Variants in CTNNA3 observed in about 807,000 individuals in gnomAD.
CTNNA3 encodes catenin alpha 3.
A neutral mutation model predicts 95.7 loss-of-function variants in CTNNA3; 76 were observed. That is an observed-to-expected ratio of 0.79 (90% confidence interval 0.66 to 0.96). The LOEUF is 0.96. Among genes scored for constraint, CTNNA3 ranks in the 40% least tolerant of loss-of-function variants. CTNNA3 has a pLI of 0.00. For missense variants in CTNNA3, 1,191 were observed against 1,089.8 expected (o/e 1.09, Z -1.31); for synonymous variants, 431 against 374.4 (o/e 1.15, Z -1.74).
chr10:66,753,412 C>A (rs1428790415), intron 9 of CTNNA3, among the ~76,000 whole-genome samples: 2 of 152,042 alleles, frequency 1.3e-5, no homozygotes, highest in Non-Finnish European at 2.9e-5. Context: ...CCTGTAATCC[C>A]AGCACTTTGG....
At chr10:66,339,055 G>A (rs777583311) in intron 12 of CTNNA3, among the ~76,000 whole-genome samples, 1 of 151,812 alleles carries the variant, frequency 6.6e-6, no homozygotes, top group Non-Finnish European at 1.5e-5. Flanking sequence ...ATCTTCATCT[G>A]TAAAGGCGAT....
At chr10:66,209,550 C>T (rs2087995438) in intron 13 of CTNNA3, among the ~76,000 whole-genome samples, 2 of 151,782 alleles carry the variant, frequency 1.3e-5, no homozygotes, top group South Asian at 2.1e-4. Context: ...TCATAGCCAG[C>T]GTGTTAAGGG....
intron 9 of CTNNA3, among the ~76,000 whole-genome samples, chr10:66,744,951 T>C (rs1400462219): frequency 1.3e-5 from 2 of 152,190 alleles, no homozygotes; most frequent in Non-Finnish European, 2.9e-5. Flanking sequence ...TCTTACTTGA[T>C]TTCAAGGTGC....
At chr10:67,031,902 G>A (rs1853751694) in intron 7 of CTNNA3, among the ~76,000 whole-genome samples, 1 of 152,080 alleles carries the variant, frequency 6.6e-6, no homozygotes, top group South Asian at 2.1e-4. Flanking sequence ...TGCAATAATG[G>A]CATTCTAATT....
chr10:66,675,904 A>G (rs2394287), intron 9 of CTNNA3, among the ~76,000 whole-genome samples: 84,097 of 151,906 alleles, frequency 0.55, 24,021 homozygotes, highest in African/African-American at 0.68. Flanking sequence ...TGCCACCCAG[A>G]AATTTGAATC....
chr10:66,239,176 T>G (rs1345333770), intron 13 of CTNNA3, among the ~76,000 whole-genome samples: 2 of 150,706 alleles, frequency 1.3e-5, no homozygotes, highest in Non-Finnish European at 3.0e-5. Context: ...TACAATTTTA[T>G]TTTATAATTA....
At chr10:66,418,913 G>C (rs1400251308) in intron 11 of CTNNA3, among the ~76,000 whole-genome samples, 1 of 151,972 alleles carries the variant, frequency 6.6e-6, no homozygotes, top group Non-Finnish European at 1.5e-5. Flanking sequence ...TCCACAAATA[G>C]CATTATACTG....
intron 7 of CTNNA3, among the ~76,000 whole-genome samples, chr10:67,125,322 T>G (rs1859669359): frequency 6.6e-6 from 1 of 152,172 alleles, no homozygotes; most frequent in Admixed American, 6.6e-5. Context: ...GACTGTCATT[T>G]GTCTAAAATA....
intron 11 of CTNNA3, among the ~76,000 whole-genome samples, chr10:66,445,419 G>C (rs1311318734): frequency 6.6e-6 from 1 of 151,930 alleles, no homozygotes; most frequent in Non-Finnish European, 1.5e-5. Context: ...CCACATAGTT[G>C]GAAGTAAAGC....
At chr10:66,392,665 T>C (rs971397242) in intron 11 of CTNNA3, among the ~76,000 whole-genome samples, 1 of 152,018 alleles carries the variant, frequency 6.6e-6, no homozygotes, top group African/African-American at 2.4e-5. Context: ...CATCAAGGAA[T>C]TTCAATTCAA....
chr10:67,287,107 A>G (rs1263419327), intron 5 of CTNNA3, among the ~76,000 whole-genome samples: 1 of 152,138 alleles, frequency 6.6e-6, no homozygotes, highest in Non-Finnish European at 1.5e-5. Flanking sequence ...TGGGAGGCGG[A>G]GGCAGGTGGA....
Position 66,530,104 on chromosome 10 carries a change from G to T in CTNNA3, c.1375-9331C>A, listed in dbSNP as rs113750239. ...TCTACGTAATTTAATTTTTCCCAGA[G>T]ATAGTTCAATATTGGCATTGATACA... On this transcript the variant is annotated intron_variant, in intron 10 of 17. Transcript: ENST00000433211. Among the ~76,000 whole-genome samples, 462 of 152,224 alleles carry T rather than the reference G, an allele frequency of 3.0e-3. 2 individuals carry two copies. Among genetic ancestry groups the T allele is most frequent in the Non-Finnish European group, 5.1e-3 (344 of 68,018 alleles).
rs146510987 is a variant in CTNNA3, at chr10:67,160,924, A to G, written c.1047+19393T>C. On this transcript the variant is annotated intron_variant, in intron 7 of 17. Coordinates refer to ENST00000433211, the MANE Select transcript of CTNNA3 (RefSeq NM_013266.4). Reference sequence around the variant, plus strand: ...AACATTATGCTAAGTGAAATAAGCTAGTCACAGAAGAACAAATACTGCATC... The same window carrying G: ...AACATTATGCTAAGTGAAATAAGCTGGTCACAGAAGAACAAATACTGCATC... Among the ~76,000 whole-genome samples the G allele has an allele frequency of 1.3e-3, 204 of 152,342 alleles. 3 individuals are homozygous for G. Among genetic ancestry groups the G allele is most frequent in the African/African-American group, 4.7e-3 (195 of 41,578 alleles).
chr10:66,240,227 A>C (rs1189429222), intron 13 of CTNNA3, among the ~76,000 whole-genome samples: 1 of 152,054 alleles, frequency 6.6e-6, no homozygotes, highest in Non-Finnish European at 1.5e-5. Flanking sequence ...CTAAAAGTAA[A>C]GCCCTATGGA....
intron 7 of CTNNA3, among the ~76,000 whole-genome samples, chr10:67,039,687 C>T (rs745687209): frequency 3.7e-4 from 56 of 152,032 alleles, no homozygotes; most frequent in Admixed American, 8.5e-4. Flanking sequence ...ATTATGTAAA[C>T]AGTTAAGTAA....
intron 4 of CTNNA3, 72 bp downstream of exon 4, chr10:67,539,431 C>G (rs1840592135): frequency 1.3e-6 from 2 of 1,530,718 alleles, no homozygotes; most frequent in African/African-American, 1.4e-5. Flanking sequence ...GCACTAGGAT[C>G]GACGCCAGGT....
rs776416613 is a variant in CTNNA3 at position 67,440,251 on chromosome 10, C to T, written c.579+81591G>A. 1.2e-4 allele frequency among the ~76,000 whole-genome samples: 18 copies of T among 152,112 alleles called. 1 individual carries two copies. The highest frequency in any genetic ancestry group is 1.9e-4 in the East Asian group (1 of 5,184). ...TGGTGGCGATGGAAAGAGACAGCTC[C>T]GCCTGTGGAAAGTGGAGGGAAGAGT... On this transcript the variant is annotated intron_variant, in intron 5 of 17. Transcript: ENST00000433211.
intron 10 of CTNNA3, among the ~76,000 whole-genome samples, chr10:66,558,697 A>T (rs897352224): frequency 6.6e-6 from 1 of 152,108 alleles, no homozygotes; most frequent in African/African-American, 2.4e-5. Flanking sequence ...AAATATTTTA[A>T]ATATATGACA....
intron 9 of CTNNA3, among the ~76,000 whole-genome samples, chr10:66,719,174 C>T (rs1173027983): frequency 6.6e-6 from 1 of 152,128 alleles, no homozygotes; most frequent in Non-Finnish European, 1.5e-5. Context: ...TATTTCATTG[C>T]ATTTTTATCG....
Sources: gnomAD v4.1 joint callset for allele counts (sites outside exome capture counted in the v4.1 genomes callset) on GRCh38, gnomAD v4.1.1 for gene constraint, MANE v1.5 for transcripts, NCBI Gene and HGNC (gene_info 2026-07-23, HGNC 2026-07-21) for gene names.